BACH2: variants seen among roughly 807,000 people sequenced by gnomAD.
The protein encoded by BACH2 is BACH transcriptional regulator 2, also known as transcription regulator protein BACH2.
Under a neutral mutation model 61.8 loss-of-function variants are expected in BACH2, and 5 were observed. The ratio of observed to expected loss-of-function variants is 0.08; its 90% confidence interval spans 0.04 to 0.17. The LOEUF is 0.17. Ranked by LOEUF, BACH2 falls within the 10% of genes least tolerant of loss-of-function variation. BACH2 has a pLI of 1.00. For synonymous variants in BACH2, 446 were observed against 440.1 expected (o/e 1.01, Z -0.17); for missense variants, 824 against 1,091.1 (o/e 0.76, Z 3.45).
chr6:90,166,045 C>T (rs1353121004), intron 4 of BACH2, among the ~76,000 whole-genome samples: 21 of 151,984 alleles, frequency 1.4e-4, no homozygotes, highest in South Asian at 6.2e-4. Context: ...CAACAAAAGC[C>T]AAAATTGACA....
chr6:89,950,670 G>A lies in BACH2; in HGVS notation c.1436C>T (p.Ala479Val), dbSNP rs542772731. ...GAGQSLPSSQAYSHGGLMADH... is the reference protein window; with the variant it reads ...GAGQSLPSSQVYSHGGLMADH... ...GGCCATCAGCCCACCGTGGGAGTAGGCCTGCGAGCTGGGGAGGGACTGGCC... is the reference window on the plus strand; with the variant it reads ...GGCCATCAGCCCACCGTGGGAGTAGACCTGCGAGCTGGGGAGGGACTGGCC... Residue 479 changes from alanine (A) to valine (V), a missense_variant, in exon 7 of 9, where the codon GCC becomes GTC. This residue lies in a region of BACH2 where 102 missense variants were observed against 98.1 expected (regional missense o/e 1.04). Coordinates refer to ENST00000257749, the MANE Select transcript of BACH2 (RefSeq NM_021813.4). This position sits in a 1 kb window ranked among gnomAD's most constrained non-coding sequence, Gnocchi z 5.3. The A allele has an allele frequency of 3.7e-6, 6 of 1,614,058 alleles. No homozygotes were observed. Among genetic ancestry groups the A allele is most frequent in the South Asian group, 1.1e-5 (1 of 91,086 alleles).
At chr6:90,205,475 A>G (rs1769111973) in intron 4 of BACH2, among the ~76,000 whole-genome samples, 1 of 152,124 alleles carries the variant, frequency 6.6e-6, no homozygotes, top group Admixed American at 6.5e-5. Flanking sequence ...ATCTGGGGAC[A>G]TTTTTGGTTG....
intron 5 of BACH2, among the ~76,000 whole-genome samples, chr6:90,051,279 T>C (rs539398659): frequency 6.6e-6 from 1 of 152,350 alleles, no homozygotes; most frequent in South Asian, 2.1e-4. Flanking sequence ...TTTATTGATA[T>C]ATATTGTATA....
At chr6:90,198,366 TCA>T (rs1019482807) in intron 4 of BACH2, among the ~76,000 whole-genome samples, 1 of 152,172 alleles carries the variant, frequency 6.6e-6, no homozygotes. Context: ...TCCTCCGACC[TCA>T]GTTAGAACCC....
chr6:90,262,701 C>T (rs1189048771), intron 2 of BACH2, among the ~76,000 whole-genome samples: 3 of 152,174 alleles, frequency 2.0e-5, no homozygotes, highest in African/African-American at 7.2e-5. Flanking sequence ...CAGGTAGTGA[C>T]ATCTCCAATT....
intron 5 of BACH2, among the ~76,000 whole-genome samples, chr6:90,052,493 C>T (rs1037782506): frequency 4.6e-4 from 70 of 152,158 alleles, no homozygotes; most frequent in Non-Finnish European, 7.3e-5. Flanking sequence ...GATCTTGGCT[C>T]ACTGCAACCT....
chr6:90,079,212 G>A (rs191630316), intron 5 of BACH2, among the ~76,000 whole-genome samples: 37 of 152,248 alleles, frequency 2.4e-4, no homozygotes, highest in Admixed American at 7.9e-4. Flanking sequence ...TTGGTTAACT[G>A]TCCCTCCAAC....
In BACH2 at chr6:89,951,291, C is replaced by A; in HGVS notation, c.815G>T (p.Arg272Met). The change falls in exon 7 of 9, where the codon AGG becomes ATG. Residue 272 changes from arginine to methionine, a missense_variant. Around this residue, in one of 8 missense-constraint regions of BACH2, gnomAD observed 226 missense variants for 228.5 expected, o/e 0.99. Transcript: ENST00000257749. This position sits in a 1 kb window ranked among gnomAD's most constrained non-coding sequence, Gnocchi z 6.4. ...SSNSLKPGLA[R>M]GQIKSEPPSE... ...GGGCGGCTCACTTTTAATCTGCCCC[C>A]TGGCAAGCCCCGGCTTGAGGCTGTT... 6.2e-7 allele frequency: 1 copy of A among 1,614,244 alleles called. No individual in the cohort carries two copies. The highest frequency in any genetic ancestry group is 8.5e-7 in the Non-Finnish European group (1 of 1,180,050).
chr6:90,181,924 G>A (rs1312585395), intron 4 of BACH2, among the ~76,000 whole-genome samples: 1 of 152,162 alleles, frequency 6.6e-6, no homozygotes, highest in East Asian at 1.9e-4. Flanking sequence ...AGCCCTGAAG[G>A]ATTACACTGT....
At chr6:90,286,264 G>C (rs973224491) in intron 1 of BACH2, among the ~76,000 whole-genome samples, 2 of 152,114 alleles carry the variant, frequency 1.3e-5, no homozygotes, top group Admixed American at 1.3e-4. Flanking sequence ...ATATCAACAC[G>C]CTTAACATAA....
chr6:90,021,277 G>C (rs1778356118), intron 5 of BACH2, among the ~76,000 whole-genome samples: 1 of 142,920 alleles, frequency 7.0e-6, no homozygotes, highest in Non-Finnish European at 1.5e-5. Context: ...AGTTCTGCAG[G>C]TAAAAGTATA....
intron 4 of BACH2, among the ~76,000 whole-genome samples, chr6:90,090,076 A>G (rs568872970): frequency 6.6e-6 from 1 of 152,330 alleles, no homozygotes; most frequent in Non-Finnish European, 1.5e-5. Context: ...ATACATGCAC[A>G]TACTCAAAGT....
At chr6:90,241,134 C>CAAA (rs1180464043) in intron 3 of BACH2, among the ~76,000 whole-genome samples, 1 of 56,302 alleles carries the variant, frequency 1.8e-5, no homozygotes, top group African/African-American at 5.4e-5. Context: ...GACTCCAACT[C>CAAA]AAAAAAAAAA....
intron 1 of BACH2, among the ~76,000 whole-genome samples, chr6:90,282,618 C>T (rs942614910): frequency 2.0e-5 from 3 of 152,030 alleles, no homozygotes; most frequent in East Asian, 1.9e-4. Context: ...CGAACATACA[C>T]GTGTATGTGT....
At chr6:90,174,538 A>G (rs187116476) in intron 4 of BACH2, among the ~76,000 whole-genome samples, 36 of 152,184 alleles carry the variant, frequency 2.4e-4, no homozygotes, top group Admixed American at 2.3e-3. Context: ...AGAAAAAAGA[A>G]TTAACATTTT....
At chr6:90,081,994 T>A (rs924265355) in intron 5 of BACH2, among the ~76,000 whole-genome samples, 1 of 152,134 alleles carries the variant, frequency 6.6e-6, no homozygotes, top group African/African-American at 2.4e-5. Context: ...AAGAGATGCA[T>A]CTTTAAAGGG....
chr6:90,239,564 T>G (rs771792553), intron 3 of BACH2, among the ~76,000 whole-genome samples: 8 of 152,168 alleles, frequency 5.3e-5, no homozygotes, highest in Non-Finnish European at 1.2e-4. Flanking sequence ...CTTTAAAAAT[T>G]ATTTATGTAT....
At chr6:90,281,935 C>G (rs898482075) in intron 1 of BACH2, among the ~76,000 whole-genome samples, 1 of 152,126 alleles carries the variant, frequency 6.6e-6, no homozygotes, top group African/African-American at 2.4e-5. Flanking sequence ...GAACCAAAAT[C>G]TGAACCCAGG....
At chr6:90,198,141 C>T (rs1001719910) in intron 4 of BACH2, among the ~76,000 whole-genome samples, 3 of 152,126 alleles carry the variant, frequency 2.0e-5, no homozygotes, top group African/African-American at 7.2e-5. Flanking sequence ...TGACTCGGAG[C>T]CACTATTGTC....
Sources: allele counts gnomAD v4.1 joint callset (sites outside exome capture counted in the v4.1 genomes callset), GRCh38; gene constraint gnomAD v4.1.1; regional missense constraint gnomAD v4.1.1; non-coding constraint Gnocchi (gnomAD v3.1); transcripts MANE v1.5; gene names NCBI Gene and HGNC (gene_info 2026-07-23, HGNC 2026-07-21).